CCNB1: variants seen among roughly 807,000 people sequenced by gnomAD.
The protein encoded by CCNB1 is cyclin B1.
In CCNB1, 26 loss-of-function variants were observed where a neutral mutation model predicts 44.4. The observed-to-expected ratio is 0.59, with a 90% CI of 0.43 to 0.81. CCNB1 has a LOEUF of 0.81. Ranked by LOEUF, CCNB1 falls within the 40% of genes least tolerant of loss-of-function variation. The probability of loss-of-function intolerance (pLI) is 0.00; values close to 1 mark genes in which losing one functional copy is unlikely to be tolerated. For synonymous variants in CCNB1, 195 were observed against 181.4 expected, an observed-to-expected ratio of 1.08 and a Z score of -0.60; for missense variants, 477 against 520.9, an observed-to-expected ratio of 0.92 and a Z score of 0.82.
At position 69,168,277 on chromosome 5, in the gene CCNB1, A is replaced by AGAGCCAGAACTT; in HGVS notation, c.307_308insTTGAGCCAGAAC (p.Glu102_Pro103insLeuGluProGlu). ...CAGTGCCAGTGTCTGAGCCAGTGCC[A>AGAGCCAGAACTT]GAGCCAGAACCTGAGCCAGAACCTG... is the stretch of plus-strand genomic sequence containing the variant. On this transcript the variant is annotated inframe_insertion, in exon 3 of 9. Coordinates refer to ENST00000256442, the MANE Select transcript of CCNB1 (RefSeq NM_031966.4). 6.2e-7 allele frequency: 1 copy of AGAGCCAGAACTT among 1,614,104 alleles called. No homozygotes were observed. Among genetic ancestry groups the AGAGCCAGAACTT allele is most frequent in the Non-Finnish European group, 8.5e-7 (1 of 1,179,950 alleles).
intron 7 of CCNB1, among the ~76,000 whole-genome samples, chr5:69,175,914 A>G (rs1357432591): frequency 6.6e-6 from 1 of 150,710 alleles, no homozygotes; most frequent in East Asian, 1.9e-4. Context: ...CACACTTATG[A>G]ACTACAAAAG....
At chr5:69,169,962 TTG>T (rs1167676950) in intron 3 of CCNB1, among the ~76,000 whole-genome samples, 2 of 149,988 alleles carry the variant, frequency 1.3e-5, no homozygotes, top group African/African-American at 4.9e-5. Context: ...AGTCTTATTT[TTG>T]TTTATTTTTT....
chr5:69,176,964 CAT>C, intron 7 of CCNB1: 1 of 253,780 alleles, frequency 3.9e-6, no homozygotes, highest in Non-Finnish European at 7.6e-6. Context: ...AGCGAGACTC[CAT>C]CTCAAAAAAA....
In CCNB1 at chr5:69,175,068, G is replaced by A. The variant is rs1435596372; in HGVS notation, c.897G>A (p.Arg299=). 6.2e-7 allele frequency: 1 copy of A among 1,614,160 alleles called. No individual in the cohort carries two copies. Among genetic ancestry groups the A allele is most frequent in the East Asian group, 2.2e-5 (1 of 44,888 alleles). ...ILRALNFGLG[R]PLPLHFLRRA... ...GAGCTTTAAACTTTGGTCTGGGTCG[G>A]CCTCTACCTTTGCACTTCCTTCGGA... The change falls in exon 6 of 9, where the codon CGG becomes CGA. Residue 299 remains arginine, a synonymous_variant. Transcript: ENST00000256442.
chr5:69,169,254 A>G (rs1747407357), intron 3 of CCNB1, among the ~76,000 whole-genome samples: 1 of 152,104 alleles, frequency 6.6e-6, no homozygotes. Context: ...TATTTTTAGT[A>G]TAGATGGGGT....
chr5:69,171,228 C>G (rs747537060), intron 3 of CCNB1, 42 bp from the exon 4 acceptor site: 9 of 1,508,282 alleles, frequency 6.0e-6, no homozygotes, highest in Non-Finnish European at 8.2e-6. Flanking sequence ...AACTATAGTG[C>G]TTACTTCTAT....
Position 69,175,541 on chromosome 5 carries a change from A to T in CCNB1, c.1083+4A>T. The T allele has an allele frequency of 6.2e-7, 1 of 1,613,446 alleles. No individual in the cohort carries two copies. The highest frequency in any genetic ancestry group is 8.5e-7 in the Non-Finnish European group (1 of 1,179,832). On this transcript the variant is annotated splice_donor_region_variant and intron_variant, in intron 7 of 8. Transcript: ENST00000256442. ...AATTCTGGATAATGGTGAATGGGTAAGCTGTGTCCCACAGAACTCCTAAGC... is the reference window on the plus strand; with the variant it reads ...AATTCTGGATAATGGTGAATGGGTATGCTGTGTCCCACAGAACTCCTAAGC...
At chr5:69,175,898 AATC>A (rs1450774216) in intron 7 of CCNB1, among the ~76,000 whole-genome samples, 2 of 151,046 alleles carry the variant, frequency 1.3e-5, no homozygotes, top group East Asian at 3.9e-4. Context: ...ATGAACACCA[AATC>A]ATCACACTTA....
rs1747549608 is a variant in CCNB1, at chr5:69,174,952, A to G, written c.781A>G (p.Met261Val). 1 of 1,614,090 alleles carries G rather than the reference A, an allele frequency of 6.2e-7. No homozygotes were observed. The highest frequency in any genetic ancestry group is 8.5e-7 in the Non-Finnish European group (1 of 1,180,050). The change falls in exon 6 of 9, where the codon ATG becomes GTG. Residue 261 changes from methionine (M) to valine (V), a missense_variant. Physicochemically the swap from Met to Val is conservative, Grantham distance 21 (BLOSUM62 1). Transcript: ENST00000256442. ...AMFIASKYEE[M>V]YPPEIGDFAF... Reference sequence around the variant, plus strand: ...GTTTATTGCAAGCAAATATGAAGAAATGTACCCTCCAGAAATTGGTGACTT... The same window carrying G: ...GTTTATTGCAAGCAAATATGAAGAAGTGTACCCTCCAGAAATTGGTGACTT...
intron 5 of CCNB1, 98 bp from the exon 6 acceptor site, chr5:69,174,779 A>T (rs1747544767): frequency 6.3e-6 from 5 of 797,944 alleles, no homozygotes; most frequent in Non-Finnish European, 1.0e-5. Context: ...TGTCATTAAG[A>T]TTTTGCTATG....
chr5:69,175,657 A>C, intron 7 of CCNB1, 120 bp downstream of exon 7: 1 of 919,800 alleles, frequency 1.1e-6, no homozygotes, highest in Non-Finnish European at 1.6e-6. Context: ...CTGAAGGAAT[A>C]GTTAAAAAAG....
In CCNB1 at chr5:69,175,676, G is replaced by A. The variant is rs531368169; in HGVS notation, c.1083+139G>A. 490 of 850,184 alleles carry A rather than the reference G, an allele frequency of 5.8e-4. 2 individuals carry two copies. In the East Asian group the frequency reaches 0.011, roughly 20 times the overall value. 52.7% of individuals were successfully genotyped at this position (850,184 alleles called of 1,614,324 possible). ...AGGAATAGTTAAAAAAGATGTCTTA[G>A]AATGTTTCCACATCTTTTTGTTTTT... On this transcript the variant is annotated intron_variant, in intron 7 of 8. Transcript: ENST00000256442.
rs1450930541 is a variant in CCNB1, at chr5:69,175,498, T to A, written c.1044T>A (p.Ala348=). 6.2e-7 allele frequency: 1 copy of A among 1,614,034 alleles called. No homozygotes were observed. Among genetic ancestry groups the A allele is most frequent in the Non-Finnish European group, 8.5e-7 (1 of 1,180,014 alleles). ...HFPPSQIAAG[A]FCLALKILDN... is the part of the protein sequence containing the mutation. Reference sequence around the variant, plus strand: ...CTCCTTCTCAAATTGCAGCAGGAGCTTTTTGCTTAGCACTGAAAATTCTGG... The same window carrying A: ...CTCCTTCTCAAATTGCAGCAGGAGCATTTTGCTTAGCACTGAAAATTCTGG... The change falls in exon 7 of 9, where the codon GCT becomes GCA. Residue 348 remains alanine (A), a synonymous_variant. Coordinates refer to ENST00000256442, the MANE Select transcript of CCNB1 (RefSeq NM_031966.4).
intron 4 of CCNB1, among the ~76,000 whole-genome samples, chr5:69,173,154 A>T (rs1261748938): frequency 6.6e-6 from 1 of 152,104 alleles, no homozygotes; most frequent in African/African-American, 2.4e-5. Context: ...GTGGCAGAGG[A>T]GCTGAGAAAC....
At position 69,171,462 on chromosome 5, in the gene CCNB1, A is replaced by G. The variant is rs757991804; in HGVS notation, c.546+10A>G. The G allele has an allele frequency of 1.3e-6, 2 of 1,571,676 alleles. No homozygotes were observed. The highest frequency in any genetic ancestry group is 2.0e-5 in the Admixed American group (1 of 51,122). ...TCTGAGACAACTTGAGGTAAGTATT[A>G]TCATTCGTTTTTTTTCTAAACTGCA... On this transcript the variant is annotated intron_variant, in intron 4 of 8. Coordinates refer to ENST00000256442, the MANE Select transcript of CCNB1 (RefSeq NM_031966.4).
At chr5:69,168,366 AGAGTCTGTT>A in intron 3 of CCNB1, 23 bp downstream of exon 3, 1 of 1,613,614 alleles carries the variant, frequency 6.2e-7, no homozygotes, top group Admixed American at 1.7e-5. Context: ...TTACCATTGT[AGAGTCTGTT>A]GATTATTTCT....
At chr5:69,167,508 T>G in intron 1 of CCNB1, 1 of 564,430 alleles carries the variant, frequency 1.8e-6, no homozygotes, top group South Asian at 2.1e-5. Context: ...ACTGGACGGA[T>G]ATTGGATAAA....
chr5:69,176,075 A>G (rs960938110), intron 7 of CCNB1, among the ~76,000 whole-genome samples: 8 of 147,144 alleles, frequency 5.4e-5, no homozygotes, highest in Non-Finnish European at 8.9e-5. Context: ...TTTTGTAGAC[A>G]TGGGGTCTCT....
At chr5:69,171,197 A>G (rs1241966720) in intron 3 of CCNB1, 73 bp from the exon 4 acceptor site, 5 of 1,127,084 alleles carry the variant, frequency 4.4e-6, no homozygotes, top group Admixed American at 4.8e-5. Flanking sequence ...GTTGGTACCA[A>G]TAACCTGAAC....
Sources: gnomAD v4.1 joint callset for allele counts (sites outside exome capture counted in the v4.1 genomes callset) on GRCh38, gnomAD v4.1.1 for gene constraint, MANE v1.5 for transcripts, NCBI Gene and HGNC (gene_info 2026-07-23, HGNC 2026-07-21) for gene names.